DEFB119: variants seen among roughly 807,000 people sequenced by gnomAD.
DEFB119 encodes beta-defensin 119.
In DEFB119, 3 loss-of-function variants were observed where a neutral mutation model predicts 2.5. The observed-to-expected ratio is 1.19, with a 90% CI of 0.54 to 3.07. The LOEUF (loss-of-function observed/expected upper bound fraction) is 3.07, where lower values mean the gene tolerates loss of function less well. DEFB119 is among the 30% of genes most tolerant of loss of function. The pLI is 0.03. For synonymous variants in DEFB119, 29 were observed against 33.7 expected (o/e 0.86, Z 0.48); for missense variants, 113 against 101.1 (o/e 1.12, Z -0.50).
rs916164489 is a variant in DEFB119 at position 31,377,193 on chromosome 20, G to T, written c.*53C>A. 4.6e-6 allele frequency: 7 copies of T among 1,518,902 alleles called. No individual in the cohort carries two copies. The highest frequency in any genetic ancestry group is 4.6e-5 in the East Asian group (2 of 43,588). 94.1% of individuals were successfully genotyped at this position (1,518,902 alleles called of 1,614,324 possible). On this transcript the variant is annotated 3_prime_UTR_variant, in exon 2 of 2. Coordinates refer to ENST00000376321, the MANE Select transcript of DEFB119 (RefSeq NM_153289.4). ...AGGCACATGAATTTTAATGAGGGGG[G>T]TTGACAGCAGGTCTCTGTGCCCAGA... is the stretch of plus-strand genomic sequence containing the variant.
At chr20:31,380,512 C>T (rs773848395) in intron 1 of DEFB119, among the ~76,000 whole-genome samples, 8 of 152,208 alleles carry the variant, frequency 5.3e-5, no homozygotes, top group Admixed American at 3.9e-4. Flanking sequence ...GTGATCCTCC[C>T]GCCTCAGCAT....
Position 31,377,255 on chromosome 20 carries a change from T to A in DEFB119, c.246A>T (p.Arg82Ser). The change falls in exon 2 of 2, where the codon AGA becomes AGT. Residue 82 changes from arginine (R) to serine (S), a missense_variant. Arg to Ser is a moderately radical substitution (Grantham distance 110, BLOSUM62 -1). Coordinates refer to ENST00000376321, the MANE Select transcript of DEFB119 (RefSeq NM_153289.4). ...TGGTAATCACCAGCACTCAAGGTAG[T>A]CTTGGCCACTGCTTCTCATAAGACC... ...TDWSYEKQWP[R>S]LP The A allele has an allele frequency of 6.2e-7, 1 of 1,612,218 alleles. No individual in the cohort carries two copies. Among genetic ancestry groups the A allele is most frequent in the South Asian group, 1.1e-5 (1 of 90,718 alleles).
At chr20:31,386,020 C>T (rs996603655) in intron 1 of DEFB119, among the ~76,000 whole-genome samples, 3 of 151,958 alleles carry the variant, frequency 2.0e-5, no homozygotes, top group Non-Finnish European at 2.9e-5. Context: ...CATGAACAAA[C>T]GCAATGTAGG....
chr20:31,385,008 A>G (rs115920644), intron 1 of DEFB119, among the ~76,000 whole-genome samples: 3,074 of 152,356 alleles, frequency 0.02, 71 homozygotes, highest in African/African-American at 0.057. Context: ...ACTGAAAAAA[A>G]TAAGCTACTG....
chr20:31,382,579 T>G (rs1301453434), intron 1 of DEFB119, among the ~76,000 whole-genome samples: 1 of 152,248 alleles, frequency 6.6e-6, no homozygotes, highest in Non-Finnish European at 1.5e-5. Flanking sequence ...GCATCCTTGC[T>G]AACCCTGCCA....
At chr20:31,386,493 G>C (rs1411664505) in intron 1 of DEFB119, among the ~76,000 whole-genome samples, 1 of 152,206 alleles carries the variant, frequency 6.6e-6, no homozygotes, top group East Asian at 1.9e-4. Context: ...CACAAAAAAA[G>C]CATGAAGTTC....
At chr20:31,388,808 G>A (rs1986807800) in intron 1 of DEFB119, among the ~76,000 whole-genome samples, 1 of 152,098 alleles carries the variant, frequency 6.6e-6, no homozygotes, top group Non-Finnish European at 1.5e-5. Context: ...CTCTCCTGCA[G>A]CTGGTAGATG....
At chr20:31,384,188 A>G (rs972642462) in intron 1 of DEFB119, among the ~76,000 whole-genome samples, 8 of 152,234 alleles carry the variant, frequency 5.3e-5, no homozygotes, top group African/African-American at 1.7e-4. Context: ...TTAAAAATAT[A>G]ATTCCATAGA....
intron 1 of DEFB119, among the ~76,000 whole-genome samples, chr20:31,378,646 G>A (rs532432332): frequency 1.1e-4 from 17 of 152,178 alleles, no homozygotes; most frequent in Admixed American, 1.1e-3. Context: ...ATTTAACCAT[G>A]TGTCTGCTGA....
chr20:31,385,372 G>GAAAAAAAAAAAAAAAAAAAA (rs1221906851), intron 1 of DEFB119, among the ~76,000 whole-genome samples: 1 of 21,920 alleles, frequency 4.6e-5, no homozygotes, highest in Non-Finnish European at 8.9e-5. Context: ...AATAACAAAA[G>GAAAAAAAAAAAAAAAAAAAA]ACAAAAAAAA....
At chr20:31,385,028 T>G (rs1986642435) in intron 1 of DEFB119, among the ~76,000 whole-genome samples, 1 of 152,220 alleles carries the variant, frequency 6.6e-6, no homozygotes, top group African/African-American at 2.4e-5. Flanking sequence ...GCTCTCACCT[T>G]AATCAGAATG....
intron 1 of DEFB119, among the ~76,000 whole-genome samples, chr20:31,386,479 C>T (rs976700208): frequency 6.6e-6 from 1 of 152,056 alleles, no homozygotes; most frequent in Non-Finnish European, 1.5e-5. Context: ...GAATACTATT[C>T]GGCCACAAAA....
intron 1 of DEFB119, chr20:31,378,228 C>T (rs1032288251): frequency 4.1e-6 from 6 of 1,460,308 alleles, no homozygotes; most frequent in Admixed American, 3.6e-5. Context: ...CTTTCACCAC[C>T]ACACAGTAGT....
At chr20:31,386,810 C>CTTTTTCTT (rs1371861470) in intron 1 of DEFB119, among the ~76,000 whole-genome samples, 5 of 108,906 alleles carry the variant, frequency 4.6e-5, no homozygotes, top group African/African-American at 2.0e-4. Context: ...TTTTCTTTTT[C>CTTTTTCTT]TTTTTTTTTT....
At chr20:31,383,128 T>G (rs192844608) in intron 1 of DEFB119, among the ~76,000 whole-genome samples, 38 of 152,322 alleles carry the variant, frequency 2.5e-4, no homozygotes, top group African/African-American at 8.9e-4. Flanking sequence ...GTGGCCCCAC[T>G]CAAATCTCGT....
chr20:31,377,526 G>A (rs753802251), intron 1 of DEFB119, 87 bp from the exon 2 acceptor site: 13 of 1,407,456 alleles, frequency 9.2e-6, no homozygotes, highest in Non-Finnish European at 1.3e-5. Flanking sequence ...AAAACCTAAA[G>A]GGGGAGCAGG....
chr20:31,377,760 CTCA>C (rs1304005836), intron 1 of DEFB119, among the ~76,000 whole-genome samples: 1 of 152,066 alleles, frequency 6.6e-6, no homozygotes, highest in Non-Finnish European at 1.5e-5. Flanking sequence ...TTCTTTTTGC[CTCA>C]TCGATTCCAG....
chr20:31,380,589 A>G (rs2122291559), intron 1 of DEFB119, among the ~76,000 whole-genome samples: 1 of 152,114 alleles, frequency 6.6e-6, no homozygotes, highest in South Asian at 2.1e-4. Flanking sequence ...TTAAGTAAAT[A>G]TTTGTGAAAG....
chr20:31,383,278 T>A (rs1986565797), intron 1 of DEFB119, among the ~76,000 whole-genome samples: 1 of 152,166 alleles, frequency 6.6e-6, no homozygotes, highest in Non-Finnish European at 1.5e-5. Context: ...GCGCGGTGGC[T>A]CATGCCTGTA....
Sources: gnomAD v4.1 joint callset for allele counts (sites outside exome capture counted in the v4.1 genomes callset) on GRCh38, gnomAD v4.1.1 for gene constraint, MANE v1.5 for transcripts, NCBI Gene and HGNC (gene_info 2026-07-23, HGNC 2026-07-21) for gene names.